The following DLG1 variants were observed in gnomAD, a reference collection of about 807,000 sequenced individuals.
The protein encoded by DLG1 is disks large homolog 1.
A neutral mutation model predicts 123.4 loss-of-function variants in DLG1; 42 were observed. The ratio of observed to expected loss-of-function variants is 0.34; its 90% CI spans 0.27 to 0.44. The LOEUF is 0.44. DLG1 is among the 20% of genes least tolerant of loss of function. The pLI is 1.00. For synonymous variants in DLG1, 317 were observed against 356.2 expected, an observed-to-expected ratio of 0.89 and a Z score of 1.24; for missense variants, 942 against 1,082.6, an observed-to-expected ratio of 0.87 and a Z score of 1.82.
At chr3:197,213,822 A>G (rs535352105) in intron 4 of DLG1, among the ~76,000 whole-genome samples, 1 of 152,332 alleles carries the variant, frequency 6.6e-6, no homozygotes, top group Non-Finnish European at 1.5e-5. Context: ...TCAAAATATC[A>G]ATACAGTTTT....
chr3:197,180,757 G>A (rs1003883660), intron 5 of DLG1, among the ~76,000 whole-genome samples: 6 of 152,070 alleles, frequency 3.9e-5, no homozygotes, highest in African/African-American at 1.4e-4. Context: ...AAAGGCAGTG[G>A]AAAAGGAGAT....
chr3:197,145,967 G>A (rs983949822), intron 6 of DLG1, among the ~76,000 whole-genome samples: 9 of 151,276 alleles, frequency 5.9e-5, no homozygotes, highest in African/African-American at 1.9e-4. Flanking sequence ...TCCAACCTGG[G>A]CAACAAACAG....
chr3:197,198,016 T>G (rs1723445117), intron 4 of DLG1, among the ~76,000 whole-genome samples: 2 of 152,120 alleles, frequency 1.3e-5, no homozygotes, highest in African/African-American at 4.8e-5. Context: ...GAGTTACAGT[T>G]AGAAAACATA....
At chr3:197,296,174 G>A (rs1033546430) in intron 3 of DLG1, among the ~76,000 whole-genome samples, 172 bp downstream of exon 3, 4 of 152,140 alleles carry the variant, frequency 2.6e-5, no homozygotes, top group Non-Finnish European at 4.4e-5. Context: ...TTGGTTACTA[G>A]TTATTTTAAG....
intron 3 of DLG1, among the ~76,000 whole-genome samples, chr3:197,288,045 C>T (rs1051103825): frequency 1.3e-5 from 2 of 151,988 alleles, no homozygotes; most frequent in African/African-American, 4.8e-5. Flanking sequence ...CCTAAATGCT[C>T]CTAGGAAACC....
intron 4 of DLG1, among the ~76,000 whole-genome samples, chr3:197,200,780 A>G (rs1174231023): frequency 2.6e-5 from 4 of 152,194 alleles, no homozygotes; most frequent in Non-Finnish European, 5.9e-5. Context: ...AATAAAATTC[A>G]GCATCCCTTC....
chr3:197,252,547 A>C (rs954220818), intron 4 of DLG1, among the ~76,000 whole-genome samples: 1 of 152,184 alleles, frequency 6.6e-6, no homozygotes, highest in Non-Finnish European at 1.5e-5. Flanking sequence ...AATCAGAGAA[A>C]CAAAGTAGAA....
At chr3:197,122,009 A>C (rs1294784673) in intron 11 of DLG1, among the ~76,000 whole-genome samples, 1 of 152,040 alleles carries the variant, frequency 6.6e-6, no homozygotes, top group Non-Finnish European at 1.5e-5. Context: ...CTAGAGATGA[A>C]ATAACATTCT....
intron 20 of DLG1, among the ~76,000 whole-genome samples, chr3:197,066,053 T>C (rs1739335223): frequency 6.6e-6 from 1 of 152,178 alleles, no homozygotes; most frequent in South Asian, 2.1e-4. Flanking sequence ...AAATTTGGTG[T>C]TTTCGCAGAT....
At chr3:197,240,904 G>A (rs1249628680) in intron 4 of DLG1, among the ~76,000 whole-genome samples, 1 of 118,238 alleles carries the variant, frequency 8.5e-6, no homozygotes. Flanking sequence ...TTGCCTATAA[G>A]ATATAGAAAA....
intron 19 of DLG1, chr3:197,068,472 G>A: frequency 6.8e-7 from 1 of 1,472,990 alleles, no homozygotes; most frequent in Non-Finnish European, 9.3e-7. Context: ...ACATGAAAAA[G>A]TATTAGGGAC....
At chr3:197,154,648 C>T (rs1795525886) in intron 5 of DLG1, among the ~76,000 whole-genome samples, 1 of 151,716 alleles carries the variant, frequency 6.6e-6, no homozygotes, top group Admixed American at 6.6e-5. Context: ...GCACTCCAGC[C>T]TGGGTGACAG....
At chr3:197,109,694 A>C (rs1768710699) in intron 13 of DLG1, among the ~76,000 whole-genome samples, 2 of 152,176 alleles carry the variant, frequency 1.3e-5, no homozygotes, top group South Asian at 2.1e-4. Context: ...TTGAGAGATG[A>C]ACTCCTTCAG....
At chr3:197,297,265 G>T in intron 1 of DLG1, 30 bp from the exon 2 acceptor site, 1 of 1,612,090 alleles carries the variant, frequency 6.2e-7, no homozygotes, top group South Asian at 1.1e-5. Flanking sequence ...AAGGAAAAAG[G>T]ATAGAATCAT....
chr3:197,218,266 T>C (rs754847629), intron 4 of DLG1, among the ~76,000 whole-genome samples: 1 of 152,200 alleles, frequency 6.6e-6, no homozygotes, highest in Non-Finnish European at 1.5e-5. Context: ...ATTTCAAATT[T>C]GTGAAATATG....
intron 4 of DLG1, among the ~76,000 whole-genome samples, chr3:197,200,500 C>T (rs1725071313): frequency 1.3e-5 from 2 of 152,102 alleles, no homozygotes; most frequent in African/African-American, 4.8e-5. Context: ...ACCCTGTTAT[C>T]AAAACCAGAA....
intron 13 of DLG1, among the ~76,000 whole-genome samples, chr3:197,107,757 T>C (rs1460614625): frequency 1.3e-5 from 2 of 152,094 alleles, no homozygotes; most frequent in Non-Finnish European, 2.9e-5. Context: ...TACAAGATTA[T>C]GTCATCTGCA....
chr3:197,085,553 C>T (rs546563681), intron 16 of DLG1, 27 bp downstream of exon 16: 1 of 1,610,910 alleles, frequency 6.2e-7, no homozygotes, highest in East Asian at 2.2e-5. Context: ...TGTTGCCTCA[C>T]ATTCAAGTGG....
upstream of DLG1, chr3:197,298,942 A>AT (rs1391451945): frequency 5.1e-6 from 1 of 194,758 alleles, no homozygotes; most frequent in Non-Finnish European, 1.0e-5. Flanking sequence ...TTGTTCATTC[A>AT]TTCGCTCATT....
Sources: gnomAD v4.1 joint callset for allele counts (sites outside exome capture counted in the v4.1 genomes callset) on GRCh38, gnomAD v4.1.1 for gene constraint, MANE v1.5 for transcripts, NCBI Gene and HGNC (gene_info 2026-07-23, HGNC 2026-07-21) for gene names.